Variants in OSBPL7 observed in about 807,000 individuals in gnomAD.
OSBPL7 encodes oxysterol binding protein like 7, also known as oxysterol-binding protein-related protein 7.
A neutral mutation model predicts 115.8 loss-of-function variants in OSBPL7; 66 were observed. The ratio of observed to expected loss-of-function variants is 0.57; its 90% CI spans 0.47 to 0.70. OSBPL7 has a LOEUF of 0.70. OSBPL7 is among the 30% of genes least tolerant of loss of function. The pLI is 0.00. For missense variants in OSBPL7, 902 were observed against 1,125.5 expected (o/e 0.80, Z 2.84); for synonymous variants, 441 against 439.2 (o/e 1.00, Z -0.05).
At chr17:47,820,165 C>A (rs1985407) in intron 2 of OSBPL7, 39 bp downstream of exon 2, 1,400,814 of 1,613,320 alleles carry the variant, frequency 0.87, 612,774 homozygotes, top group Middle Eastern at 0.9. Context: ...TGTCTGGTTC[C>A]AGCTTGGCCC....
At position 47,808,956 on chromosome 17, in the gene OSBPL7, G is replaced by A. The variant is rs2143517156; in HGVS notation, c.2205C>T (p.Gly735=). 1 of 1,614,228 alleles carries A rather than the reference G, an allele frequency of 6.2e-7. No homozygotes were observed. Among genetic ancestry groups the A allele is most frequent in the South Asian group, 1.1e-5 (1 of 91,082 alleles). ...SMPPDHERNF[G]FTQFALELNE... ...TCAGCTCCAAGGCAAACTGGGTGAAGCCGAAGTTTCGCTCATGGTCGGGGG... is the reference window on the plus strand; with the variant it reads ...TCAGCTCCAAGGCAAACTGGGTGAAACCGAAGTTTCGCTCATGGTCGGGGG... The change falls in exon 21 of 23, where the codon GGC becomes GGT. Residue 735 remains glycine, a synonymous_variant. Transcript: ENST00000007414. This position sits in a 1 kb window ranked among gnomAD's most constrained non-coding sequence, Gnocchi z 6.1.
rs2033029392 is a variant in OSBPL7, at chr17:47,811,153, G to T, written c.1738-318C>A. On this transcript the variant is annotated intron_variant, in intron 16 of 22. Transcript: ENST00000007414. Reference sequence around the variant, plus strand: ...GGGTGGGGCCTCCACCCCATGCCCTGCCTGAAACCCAGCCCTTGCTGATGA... The same window carrying T: ...GGGTGGGGCCTCCACCCCATGCCCTTCCTGAAACCCAGCCCTTGCTGATGA... 2.6e-5 allele frequency among the ~76,000 whole-genome samples: 4 copies of T among 151,932 alleles called. No homozygotes were observed. In the South Asian group the frequency reaches 8.3e-4, roughly 32 times the overall value.
rs1195784111 is a variant in OSBPL7 at position 47,813,638 on chromosome 17, G to A, written c.1548C>T (p.Tyr516=). The change falls in exon 15 of 23, where the codon TAC becomes TAT. Residue 516 remains tyrosine (Y), a synonymous_variant. Transcript: ENST00000007414. ...TLQRLCEELE[Y]SSLLDQASRI... The stretch of plus-strand genomic sequence containing the variant: ...GGCTGGCCTGGTCCAGGAGGCTGCT[G>A]TACTCCAGCTCCTCGCAGAGCCGCT... 7 of 1,612,926 alleles carry A rather than the reference G, an allele frequency of 4.3e-6. No homozygotes were observed. The highest frequency in any genetic ancestry group is 5.9e-6 in the Non-Finnish European group (7 of 1,180,002).
Position 47,808,025 on chromosome 17 carries a change from A to C in OSBPL7, c.*266T>G. 8 of 496,334 alleles carry C rather than the reference A, an allele frequency of 1.6e-5. No individual in the cohort carries two copies. The highest frequency in any genetic ancestry group is 2.9e-5 in the Non-Finnish European group (8 of 272,188). The allele number at this position is 496,334 out of a possible 1,614,324, so 30.7% of individuals were successfully genotyped here. On this transcript the variant is annotated 3_prime_UTR_variant, in exon 23 of 23. Transcript: ENST00000007414. This position sits in a 1 kb window ranked among gnomAD's most constrained non-coding sequence, Gnocchi z 6.1. ...TACCCCAAAGGGGACAGGAATCGGA[A>C]TGGTGAAGCGGGAAGGGTCTTACAT... is the stretch of plus-strand genomic sequence containing the variant.
Position 47,808,585 on chromosome 17 carries a change from G to A in OSBPL7, c.2373C>T (p.Arg791=). ...CGATGTTGTTTTCCTCCATGACTTT[G>A]CGCCTGTCTCGCTGCAGCTGCTCGA... ...RRIEQLQRDR[R]KVMEENNIVH... The change falls in exon 22 of 23, where the codon CGC becomes CGT. Residue 791 remains arginine, a synonymous_variant. Transcript: ENST00000007414. This position sits in a 1 kb window ranked among gnomAD's most constrained non-coding sequence, Gnocchi z 6.1. 3 of 1,614,220 alleles carry A rather than the reference G, an allele frequency of 1.9e-6. No homozygotes were observed. Among genetic ancestry groups the A allele is most frequent in the Non-Finnish European group, 2.5e-6 (3 of 1,180,030 alleles).
At position 47,816,419 on chromosome 17, in the gene OSBPL7, A is replaced by T; in HGVS notation, c.992T>A (p.Met331Lys). 1 of 1,537,850 alleles carries T rather than the reference A, an allele frequency of 6.5e-7. No individual in the cohort carries two copies. Among genetic ancestry groups the T allele is most frequent in the Non-Finnish European group, 8.8e-7 (1 of 1,140,004 alleles). ...TCTTGACAACTCTGAGCCCTGGTGC[A>T]TGTCCCTCAGTTGGTCCCGTTCCAT... is the stretch of plus-strand genomic sequence containing the variant. ...LTMERDQLRD[M>K]HQGSELSRMG... is the part of the protein sequence containing the mutation. Residue 331 changes from methionine to lysine, a missense_variant, in exon 11 of 23, where the codon ATG (methionine) becomes AAG (lysine). This residue lies in a region of OSBPL7 where 667 missense variants were observed against 788.7 expected (regional missense o/e 0.85). Coordinates refer to ENST00000007414, the MANE Select transcript of OSBPL7 (RefSeq NM_145798.3). This position sits in a 1 kb window ranked among gnomAD's most constrained non-coding sequence, Gnocchi z 5.8.
At chr17:47,819,596 G>A (rs1177337537) in intron 4 of OSBPL7, 133 bp downstream of exon 4, 25 of 1,068,318 alleles carry the variant, frequency 2.3e-5, no homozygotes, top group Non-Finnish European at 3.1e-5. Flanking sequence ...TAACTTGCCC[G>A]AGATCACACA....
rs906932372 is a variant in OSBPL7, at chr17:47,808,615, T to C, written c.2343A>G (p.Arg781=). ...GNIQAAEAQK[R]RIEQLQRDRR... ...TGTCTCGCTGCAGCTGCTCGATCCTTCTCTTCTGGGCCTCAGCGGCCTGTA... is the reference window on the plus strand; with the variant it reads ...TGTCTCGCTGCAGCTGCTCGATCCTCCTCTTCTGGGCCTCAGCGGCCTGTA... Residue 781 remains arginine, a synonymous_variant, in exon 22 of 23, where the codon AGA becomes AGG. Transcript: ENST00000007414. The surrounding 1 kb of genome is among the most constrained non-coding windows in gnomAD (Gnocchi z 6.1). 1.9e-6 allele frequency: 3 copies of C among 1,614,040 alleles called. No homozygotes were observed. Among genetic ancestry groups the C allele is most frequent in the African/African-American group, 2.7e-5 (2 of 74,904 alleles).
chr17:47,814,622 A>G lies in OSBPL7; in HGVS notation c.1258-8T>C. The stretch of plus-strand genomic sequence containing the variant: ...CTCCTCCTCCTCTGAGCCCTGGGCC[A>G]GGACAGATGACAGGCCGGGCAGACT... On this transcript the variant is annotated splice_region_variant and splice_polypyrimidine_tract_variant and intron_variant, in intron 13 of 22. Transcript: ENST00000007414. 2.5e-6 allele frequency: 4 copies of G among 1,613,638 alleles called. No individual in the cohort carries two copies. The highest frequency in any genetic ancestry group is 3.4e-6 in the Non-Finnish European group (4 of 1,179,718).
chr17:47,819,883 T>C, intron 3 of OSBPL7, 88 bp downstream of exon 3: 9 of 1,608,388 alleles, frequency 5.6e-6, no homozygotes, highest in Non-Finnish European at 7.7e-6. Context: ...CTTCTCATCA[T>C]GCAAACACCA....
At chr17:47,819,881 C>T (rs2033342834) in intron 3 of OSBPL7, 90 bp downstream of exon 3, 1 of 1,607,570 alleles carries the variant, frequency 6.2e-7, no homozygotes, top group African/African-American at 1.3e-5. Context: ...TCCTTCTCAT[C>T]ATGCAAACAC....
In OSBPL7 at chr17:47,818,340, G is replaced by T. The variant is rs771238399; in HGVS notation, c.527C>A (p.Pro176His). 1 of 1,614,184 alleles carries T rather than the reference G, an allele frequency of 6.2e-7. No individual in the cohort carries two copies. The highest frequency in any genetic ancestry group is 1.1e-5 in the South Asian group (1 of 91,090). ...CACTTTCTCCCGCGGTCCAAGCCCA[G>T]GTAGGGCTGAGGCAGTAGCTGCTGT... is the stretch of plus-strand genomic sequence containing the variant. ...LPTAATASALPGLGPREKVSS... is the reference protein window; with the variant it reads ...LPTAATASALHGLGPREKVSS... Residue 176 changes from proline to histidine, a missense_variant, in exon 7 of 23, where the codon CCT becomes CAT. This residue lies in a region of OSBPL7 where 667 missense variants were observed against 788.7 expected (regional missense o/e 0.85). Transcript: ENST00000007414.
chr17:47,814,609 T>C lies in OSBPL7; in HGVS notation c.1263A>G (p.Ser421=). 6.2e-7 allele frequency: 1 copy of C among 1,613,734 alleles called. No individual in the cohort carries two copies. The highest frequency in any genetic ancestry group is 1.7e-5 in the Admixed American group (1 of 60,014). The change falls in exon 14 of 23, where the codon TCA becomes TCG. Residue 421 remains serine (S), a synonymous_variant. Coordinates refer to ENST00000007414, the MANE Select transcript of OSBPL7 (RefSeq NM_145798.3). ...CACTGGTACAGGACTCCTCCTCCTC[T>C]GAGCCCTGGGCCAGGACAGATGACA... The part of the protein sequence containing the change: ...LSASSSENEG[S]EEEESCTSEI...
rs981119667 is a variant in OSBPL7 at position 47,808,238 on chromosome 17, G to T, written c.*53C>A. 1.8e-5 allele frequency: 25 copies of T among 1,374,740 alleles called. No individual in the cohort carries two copies. In the Admixed American group the frequency reaches 4.3e-4, roughly 23 times the overall value. The allele number at this position is 1,374,740 out of a possible 1,614,324, so 85.2% of individuals were successfully genotyped here. On this transcript the variant is annotated 3_prime_UTR_variant, in exon 23 of 23. Transcript: ENST00000007414. This position sits in a 1 kb window ranked among gnomAD's most constrained non-coding sequence, Gnocchi z 6.1. ...GCCTCACCCATGTGTCCATGGTAGGGGGTGGAGGCAGGAGGAGTGAGGAAC... is the reference window on the plus strand; with the variant it reads ...GCCTCACCCATGTGTCCATGGTAGGTGGTGGAGGCAGGAGGAGTGAGGAAC...
Position 47,820,080 on chromosome 17 carries a change from T to A in OSBPL7, c.92A>T (p.Glu31Val). 1 of 1,612,378 alleles carries A rather than the reference T, an allele frequency of 6.2e-7. No homozygotes were observed. Among genetic ancestry groups the A allele is most frequent in the Non-Finnish European group, 8.5e-7 (1 of 1,179,882 alleles). Residue 31 changes from glutamate to valine, a missense_variant, in exon 3 of 23, where the codon GAG becomes GTG. Transcript: ENST00000007414. ...SSAQQASELWEVVEEPRVRLG... is the reference protein window; with the variant it reads ...SSAQQASELWVVVEEPRVRLG... ...CCTGACCCGAGGCTCCTCCACCACC[T>A]CCCACAGCTCAGAGGCCTGCAGTCC...
chr17:47,813,489 C>A, intron 15 of OSBPL7, 86 bp from the exon 16 acceptor site: 1 of 1,597,694 alleles, frequency 6.3e-7, no homozygotes, highest in Non-Finnish European at 8.5e-7. Context: ...GGTGGAACTT[C>A]AGCAATAAGG....
At chr17:47,817,802 C>T (rs2033271562) in intron 7 of OSBPL7, among the ~76,000 whole-genome samples, 1 of 152,148 alleles carries the variant, frequency 6.6e-6, no homozygotes, top group Non-Finnish European at 1.5e-5. Context: ...CCCCTGGTTT[C>T]CTGGGAGGGT....
intron 4 of OSBPL7, chr17:47,819,493 G>T (rs1204570629): frequency 1.7e-6 from 1 of 605,342 alleles, no homozygotes; most frequent in Non-Finnish European, 2.9e-6. Flanking sequence ...TGTCCAGAGA[G>T]CCTTGTACGT....
At position 47,809,212 on chromosome 17, in the gene OSBPL7, G is replaced by A; in HGVS notation, c.2034C>T (p.Tyr678=). ...GCACCTCGTGGACATTGGAACTCCA[G>A]TACTTGGCCTGGGGTGGGGAAGGCA... The part of the protein sequence containing the change: ...HCKITFCKAK[Y]WSSNVHEVQG... Residue 678 remains tyrosine (Y), a synonymous_variant, in exon 20 of 23, where the codon TAC becomes TAT. Transcript: ENST00000007414. 6.2e-7 allele frequency: 1 copy of A among 1,614,156 alleles called. No homozygotes were observed. The highest frequency in any genetic ancestry group is 1.1e-5 in the South Asian group (1 of 91,088).
Sources: allele counts gnomAD v4.1 joint callset (sites outside exome capture counted in the v4.1 genomes callset), GRCh38; gene constraint gnomAD v4.1.1; regional missense constraint gnomAD v4.1.1; non-coding constraint Gnocchi (gnomAD v3.1); transcripts MANE v1.5; gene names NCBI Gene and HGNC (gene_info 2026-07-23, HGNC 2026-07-21).